The following CTNNA3 variants were observed in gnomAD, a reference collection of about 807,000 sequenced individuals.
CTNNA3 encodes the protein catenin alpha 3, also known as catenin alpha-3.
Under a neutral mutation model 95.7 loss-of-function variants are expected in CTNNA3, and 76 were observed. The ratio of observed to expected loss-of-function variants is 0.79; its 90% confidence interval spans 0.66 to 0.96. The LOEUF (loss-of-function observed/expected upper bound fraction) is 0.96. Among genes scored for constraint, CTNNA3 ranks in the 40% least tolerant of loss-of-function variants. The pLI, the probability that CTNNA3 is intolerant of heterozygous loss-of-function variation, is 0.00. For synonymous variants in CTNNA3, 431 were observed against 374.4 expected (o/e 1.15, Z -1.74); for missense variants, 1,191 against 1,089.8 (o/e 1.09, Z -1.31).
chr10:67,545,535 T>A (rs1026332396), intron 3 of CTNNA3, among the ~76,000 whole-genome samples: 3 of 152,164 alleles, frequency 2.0e-5, no homozygotes, highest in African/African-American at 7.2e-5. Flanking sequence ...TAATTTTTAA[T>A]GCTTTAGAGA....
At chr10:67,719,146 G>C (rs1310205166) in intron 1 of CTNNA3, among the ~76,000 whole-genome samples, 1 of 152,058 alleles carries the variant, frequency 6.6e-6, no homozygotes, top group Non-Finnish European at 1.5e-5. Flanking sequence ...GATCAGTGGT[G>C]ATAACCCCTT....
At chr10:66,827,848 T>C (rs758508340) in intron 7 of CTNNA3, among the ~76,000 whole-genome samples, 1 of 152,196 alleles carries the variant, frequency 6.6e-6, no homozygotes, top group Admixed American at 6.5e-5. Context: ...TCACAGTAAC[T>C]TGGTAGACAT....
At chr10:66,593,337 TA>T (rs974206977) in intron 10 of CTNNA3, among the ~76,000 whole-genome samples, 53 of 152,242 alleles carry the variant, frequency 3.5e-4, no homozygotes, top group African/African-American at 1.2e-3. Context: ...GAGTTGTGAA[TA>T]AAAGTGCACA....
At chr10:66,586,643 C>T (rs1045033787) in intron 10 of CTNNA3, among the ~76,000 whole-genome samples, 1 of 152,044 alleles carries the variant, frequency 6.6e-6, no homozygotes, top group African/African-American at 2.4e-5. Context: ...TGCATCCATG[C>T]TGAGCTCCCA....
intron 7 of CTNNA3, among the ~76,000 whole-genome samples, chr10:67,100,454 G>T (rs1055607864): frequency 5.9e-5 from 9 of 151,680 alleles, no homozygotes; most frequent in Non-Finnish European, 1.2e-4. Context: ...CAATCTGAAA[G>T]ACTGTGTCTG....
intron 7 of CTNNA3, among the ~76,000 whole-genome samples, chr10:67,115,533 G>A (rs1339589777): frequency 1.3e-5 from 2 of 151,526 alleles, no homozygotes; most frequent in Non-Finnish European, 2.9e-5. Context: ...TGATGAACAT[G>A]GGTGCTACAT....
intron 5 of CTNNA3, among the ~76,000 whole-genome samples, chr10:67,483,482 T>C (rs568076397): frequency 0.022 from 3,338 of 150,524 alleles, 80 homozygotes; most frequent in African/African-American, 0.066. Context: ...ATGGATGAAA[T>C]TGGAAATCAT....
chr10:66,439,859 T>C lies in CTNNA3; in HGVS notation c.1532-60507A>G, dbSNP rs1348810780. Among the ~76,000 whole-genome samples the C allele has an allele frequency of 8.5e-5, 13 of 152,174 alleles. No homozygotes were observed. In the East Asian group the frequency reaches 2.5e-3, roughly 29 times the overall value. ...ACAAAAAAATCAAATCACAGGTTTT[T>C]AGAAGTAGAAGCTGGTCAATACCTC... On this transcript the variant is annotated intron_variant, in intron 11 of 17. Coordinates refer to ENST00000433211, the MANE Select transcript of CTNNA3 (RefSeq NM_013266.4).
chr10:66,550,662 A>G (rs914931778), intron 10 of CTNNA3, among the ~76,000 whole-genome samples: 3 of 152,150 alleles, frequency 2.0e-5, no homozygotes, highest in Admixed American at 2.0e-4. Context: ...GGATAATTTT[A>G]GATCTACCGT....
chr10:67,181,696 T>C (rs73262221), intron 6 of CTNNA3, among the ~76,000 whole-genome samples: 3,291 of 150,264 alleles, frequency 0.022, 91 homozygotes, highest in African/African-American at 0.076. Flanking sequence ...TATAAAATCT[T>C]ATACTTATCA....
intron 5 of CTNNA3, among the ~76,000 whole-genome samples, chr10:67,434,849 C>T (rs1846244654): frequency 6.6e-6 from 1 of 151,956 alleles, no homozygotes; most frequent in South Asian, 2.1e-4. Flanking sequence ...CTTGTTGCTG[C>T]CTCCCAGATT....
intron 9 of CTNNA3, among the ~76,000 whole-genome samples, chr10:66,672,198 C>T (rs530837398): frequency 1.3e-5 from 2 of 152,184 alleles, no homozygotes; most frequent in South Asian, 4.1e-4. Context: ...AAGATGCTAT[C>T]GATATATCCC....
intron 15 of CTNNA3, among the ~76,000 whole-genome samples, chr10:66,021,392 G>A (rs189223019): frequency 6.6e-6 from 1 of 152,242 alleles, no homozygotes; most frequent in Admixed American, 6.5e-5. Context: ...ACTACTATCA[G>A]GGGATTTGTG....
chr10:67,637,190 C>G (rs889950638), intron 2 of CTNNA3, among the ~76,000 whole-genome samples: 1 of 152,198 alleles, frequency 6.6e-6, no homozygotes, highest in Non-Finnish European at 1.5e-5. Context: ...GAGCTGAAAA[C>G]CATGACACTA....
intron 13 of CTNNA3, among the ~76,000 whole-genome samples, chr10:66,168,184 T>A (rs752658104): frequency 6.6e-6 from 1 of 152,168 alleles, no homozygotes; most frequent in Non-Finnish European, 1.5e-5. Flanking sequence ...AATTTAATAC[T>A]TCTATTACTT....
At chr10:67,636,171 C>T (rs1323356196) in intron 2 of CTNNA3, among the ~76,000 whole-genome samples, 1 of 152,040 alleles carries the variant, frequency 6.6e-6, no homozygotes, top group Non-Finnish European at 1.5e-5. Flanking sequence ...TCAGAGAGGA[C>T]ACAAACAAAC....
At chr10:65,933,113 T>A (rs796204829) in intron 17 of CTNNA3, among the ~76,000 whole-genome samples, 5 of 152,196 alleles carry the variant, frequency 3.3e-5, no homozygotes, top group African/African-American at 1.2e-4. Flanking sequence ...ACTGTTCAAT[T>A]TGAATATCCA....
At chr10:67,595,167 C>T (rs1470513213) in intron 3 of CTNNA3, among the ~76,000 whole-genome samples, 1 of 152,094 alleles carries the variant, frequency 6.6e-6, no homozygotes, top group Non-Finnish European at 1.5e-5. Flanking sequence ...TATTTCTTTT[C>T]TTCCATTAAC....
At chr10:66,276,024 A>T (rs2091388941) in intron 13 of CTNNA3, among the ~76,000 whole-genome samples, 1 of 152,188 alleles carries the variant, frequency 6.6e-6, no homozygotes, top group Admixed American at 6.5e-5. Context: ...CCAATTCTAG[A>T]AGCCATGTAA....
Sources: allele counts gnomAD v4.1 joint callset (sites outside exome capture counted in the v4.1 genomes callset), GRCh38; gene constraint gnomAD v4.1.1; transcripts MANE v1.5; gene names NCBI Gene and HGNC (gene_info 2026-07-23, HGNC 2026-07-21).